The following KCNH4 variants were observed in gnomAD, a reference collection of about 807,000 sequenced individuals.
The protein encoded by KCNH4 is voltage-gated delayed rectifier potassium channel KCNH4.
A neutral mutation model predicts 90.7 loss-of-function variants in KCNH4; 33 were observed. That is an observed-to-expected ratio of 0.36 (90% confidence interval 0.28 to 0.49). The LOEUF (loss-of-function observed/expected upper bound fraction) is 0.49, where lower values mean the gene tolerates loss of function less well. Ranked by LOEUF, KCNH4 falls within the 20% of genes least tolerant of loss-of-function variation. KCNH4 has a pLI of 0.98. For synonymous variants in KCNH4, 551 were observed against 581.7 expected (o/e 0.95, Z 0.76); for missense variants, 1,044 against 1,387.1 (o/e 0.75, Z 3.93).
Position 42,169,392 on chromosome 17 carries a change from A to G in KCNH4, c.1590+85T>C. The G allele has an allele frequency of 3.1e-6, 4 of 1,295,786 alleles. No homozygotes were observed. In the South Asian group the frequency reaches 4.9e-5, roughly 16 times the overall value. 80.3% of individuals were successfully genotyped at this position (1,295,786 alleles called of 1,614,324 possible). A position where few individuals can be genotyped will look rare whatever the true frequency, so the allele number is the denominator to read the frequency against. ...GCCGAGTTCGGCCTGCCTCCATTTT[A>G]AGCTACAGGGGCAGCGACTCCTTCC... On this transcript the variant is annotated intron_variant, in intron 9 of 16. Coordinates refer to ENST00000264661, the MANE Select transcript of KCNH4 (RefSeq NM_012285.3).
chr17:42,163,723 G>C lies in KCNH4; in HGVS notation c.2360C>G (p.Ala787Gly). The stretch of plus-strand genomic sequence containing the variant: ...AGGGGAGGCACTGTGGCCCTGGCCA[G>C]CCAGGGCAGGGGACAGGGATGGGGA... The part of the protein sequence containing the change: ...SLSPSLSPAL[A>G]GQGHSASPHG... The change falls in exon 13 of 17, where the codon GCT (alanine) becomes GGT (glycine). Residue 787 changes from alanine (A) to glycine (G), a missense_variant. Ala to Gly is a moderately conservative substitution (Grantham distance 60). Coordinates refer to ENST00000264661, the MANE Select transcript of KCNH4 (RefSeq NM_012285.3). The surrounding 1 kb of genome is among the most constrained non-coding windows in gnomAD (Gnocchi z 5.4). 1 of 1,527,166 alleles carries C rather than the reference G, an allele frequency of 6.5e-7. No individual in the cohort carries two copies. Among genetic ancestry groups the C allele is most frequent in the African/African-American group, 1.4e-5 (1 of 71,748 alleles). The allele number at this position is 1,527,166 out of a possible 1,614,324, so 94.6% of individuals were successfully genotyped here.
At position 42,165,317 on chromosome 17, in the gene KCNH4, A is replaced by G. The variant is rs1318229530; in HGVS notation, c.2085+132T>C. 6.1e-6 allele frequency: 7 copies of G among 1,138,566 alleles called. No homozygotes were observed. In the East Asian group the frequency reaches 1.7e-4, roughly 27 times the overall value. 70.5% of individuals were successfully genotyped at this position (1,138,566 alleles called of 1,614,324 possible). On this transcript the variant is annotated intron_variant, in intron 11 of 16. Coordinates refer to ENST00000264661, the MANE Select transcript of KCNH4 (RefSeq NM_012285.3). ...GAAGGTATGAAGCAGGTAAGGGGCA[A>G]TGGAGGAGGGTGCCTGGGCTTCAGG...
chr17:42,161,959 T>G (rs1170909564), intron 15 of KCNH4, among the ~76,000 whole-genome samples: 1 of 150,644 alleles, frequency 6.6e-6, no homozygotes, highest in Non-Finnish European at 1.5e-5. Context: ...TCTCTTTTTT[T>G]TTTTTTTTTT....
rs756662029 is a variant in KCNH4 at position 42,178,128 on chromosome 17, C to T, written c.557G>A (p.Arg186Gln). 2.3e-5 allele frequency: 37 copies of T among 1,613,972 alleles called. No individual in the cohort carries two copies. The South Asian group carries it at 2.4e-4, about 11-fold the overall frequency. ...ATTGGCCTTCATGCCTCCCTGGCCCCGGCGGCCAAAGTGGCCGGTCAGTCG... is the reference window on the plus strand; with the variant it reads ...ATTGGCCTTCATGCCTCCCTGGCCCTGGCGGCCAAAGTGGCCGGTCAGTCG... Reference protein sequence around the residue: ...LHRLTGHFGRRGQGGMKANNN... With the variant: ...LHRLTGHFGRQGQGGMKANNN... Residue 186 changes from arginine to glutamine, a missense_variant, in exon 4 of 17, where the codon CGG becomes CAG. Arg to Gln is a conservative substitution (Grantham distance 43). Around this residue, in one of 4 missense-constraint regions of KCNH4, gnomAD observed 283 missense variants for 378.6 expected, o/e 0.75. Transcript: ENST00000264661.
intron 11 of KCNH4, 93 bp from the exon 12 acceptor site, chr17:42,164,261 G>T: frequency 9.0e-7 from 1 of 1,109,934 alleles, no homozygotes; most frequent in South Asian, 1.7e-5. Flanking sequence ...TTATGGGGTT[G>T]AGAATGTGGA....
chr17:42,163,858 C>T lies in KCNH4; in HGVS notation c.2225G>A (p.Arg742Gln), dbSNP rs1327919026. 4.7e-5 allele frequency: 71 copies of T among 1,510,624 alleles called. No homozygotes were observed. The highest frequency in any genetic ancestry group is 9.1e-5 in the Admixed American group (4 of 43,878). 93.6% of individuals were successfully genotyped at this position (1,510,624 alleles called of 1,614,324 possible). The change falls in exon 13 of 17, where the codon CGG (arginine) becomes CAG (glutamine). Residue 742 changes from arginine to glutamine, a missense_variant. Around this residue, in one of 4 missense-constraint regions of KCNH4, gnomAD observed 441 missense variants for 512.3 expected, o/e 0.86. Transcript: ENST00000264661. The surrounding 1 kb of genome is among the most constrained non-coding windows in gnomAD (Gnocchi z 5.4). ...AEPGGGPRPR[R>Q]PLLLPNLSPA... ...GCTGAGGTTGGGCAGCAGGAGGGGC[C>T]GTCGGGGCCTGGGACCACCCCCAGG...
chr17:42,178,156 G>A lies in KCNH4; in HGVS notation c.529C>T (p.His177Tyr), dbSNP rs746862765. 1.5e-5 allele frequency: 24 copies of A among 1,614,120 alleles called. No homozygotes were observed. The highest frequency in any genetic ancestry group is 1.9e-5 in the Non-Finnish European group (22 of 1,180,048). The stretch of plus-strand genomic sequence containing the variant: ...CGGCCAAAGTGGCCGGTCAGTCGGT[G>A]TAGGACAGTACGGCTCCGTCTTCTG... The part of the protein sequence containing the change: ...SARRRSRTVL[H>Y]RLTGHFGRRG... The change falls in exon 4 of 17, where the codon CAC (histidine) becomes TAC (tyrosine). Residue 177 changes from histidine to tyrosine, a missense_variant. This residue lies in a region of KCNH4 where 283 missense variants were observed against 378.6 expected (regional missense o/e 0.75). Transcript: ENST00000264661.
At chr17:42,164,799 CAAAAAA>C (rs111862071) in intron 11 of KCNH4, among the ~76,000 whole-genome samples, 1 of 145,408 alleles carries the variant, frequency 6.9e-6, no homozygotes, top group African/African-American at 2.5e-5. Context: ...CAGACTGTCT[CAAAAAA>C]AAACAAAAAC....
chr17:42,169,974 C>T (rs574532186), intron 8 of KCNH4, 133 bp downstream of exon 8: 18 of 974,578 alleles, frequency 1.8e-5, no homozygotes, highest in East Asian at 2.6e-5. Flanking sequence ...AGGAAACGTC[C>T]GTGAATGAAT....
At position 42,160,329 on chromosome 17, in the gene KCNH4, G is replaced by A. The variant is rs765983804; in HGVS notation, c.2765C>T (p.Ala922Val). 6 of 1,614,136 alleles carry A rather than the reference G, an allele frequency of 3.7e-6. No individual in the cohort carries two copies. In the Admixed American group the frequency reaches 1.0e-4, roughly 27 times the overall value. ...TGGACAAGGAGGGTCTGGGGTCCAAGCGGAGCCTGCTGGGTGGCCTGGGGG... is the reference window on the plus strand; with the variant it reads ...TGGACAAGGAGGGTCTGGGGTCCAAACGGAGCCTGCTGGGTGGCCTGGGGG... Reference protein sequence around the residue: ...LGPPGHPAGSAWTPDPPCPQL... With the variant: ...LGPPGHPAGSVWTPDPPCPQL... The change falls in exon 16 of 17, where the codon GCT (alanine) becomes GTT (valine). Residue 922 changes from alanine (A) to valine (V), a missense_variant. Coordinates refer to ENST00000264661, the MANE Select transcript of KCNH4 (RefSeq NM_012285.3).
At chr17:42,176,357 G>A (rs1567642660) in intron 4 of KCNH4, 60 bp from the exon 5 acceptor site, 1 of 1,497,852 alleles carries the variant, frequency 6.7e-7, no homozygotes, top group Non-Finnish European at 9.1e-7. Flanking sequence ...AAGATGGGGG[G>A]TGGGAAAGGC....
In KCNH4 at chr17:42,160,005, G is replaced by A. The variant is rs375658027; in HGVS notation, c.*35C>T. 10 of 1,467,084 alleles carry A rather than the reference G, an allele frequency of 6.8e-6. No individual in the cohort carries two copies. The East Asian group carries it at 1.2e-4, about 18-fold the overall frequency. The allele number at this position is 1,467,084 out of a possible 1,614,324, so 90.9% of individuals were successfully genotyped here. A position where few individuals can be genotyped will look rare whatever the true frequency, so the allele number is the denominator to read the frequency against. Reference sequence around the variant, plus strand: ...TCCTCCCTGAGTGGTGAGCGGCAGCGCCCACCCCAGACAGGCCTGGGCCCT... The same window carrying A: ...TCCTCCCTGAGTGGTGAGCGGCAGCACCCACCCCAGACAGGCCTGGGCCCT... On this transcript the variant is annotated 3_prime_UTR_variant, in exon 16 of 17. Coordinates refer to ENST00000264661, the MANE Select transcript of KCNH4 (RefSeq NM_012285.3).
At chr17:42,172,847 G>A (rs2079837217) in intron 6 of KCNH4, among the ~76,000 whole-genome samples, 1 of 151,916 alleles carries the variant, frequency 6.6e-6, no homozygotes, top group African/African-American at 2.4e-5. Flanking sequence ...GGCAGCAATT[G>A]TGATGGGGAC....
chr17:42,176,049 C>A lies in KCNH4; in HGVS notation c.829+5G>T. 6.3e-7 allele frequency: 1 copy of A among 1,592,832 alleles called. No homozygotes were observed. The highest frequency in any genetic ancestry group is 1.1e-5 in the South Asian group (1 of 88,058). ...CACCAGGGTGGGTGAGGCAGAAGGTCTGACCTAGGATGAAGAGCATTTCCA... is the reference window on the plus strand; with the variant it reads ...CACCAGGGTGGGTGAGGCAGAAGGTATGACCTAGGATGAAGAGCATTTCCA... On this transcript the variant is annotated splice_donor_5th_base_variant and intron_variant, in intron 5 of 16. Coordinates refer to ENST00000264661, the MANE Select transcript of KCNH4 (RefSeq NM_012285.3).
chr17:42,171,504 G>A (rs2079826571), intron 7 of KCNH4, among the ~76,000 whole-genome samples: 1 of 152,020 alleles, frequency 6.6e-6, no homozygotes, highest in African/African-American at 2.4e-5. Flanking sequence ...CCTTCTGCCT[G>A]AAACACACCC....
intron 2 of KCNH4, 65 bp downstream of exon 2, chr17:42,178,728 C>G (rs1343565218): frequency 7.1e-7 from 1 of 1,404,332 alleles, no homozygotes; most frequent in Non-Finnish European, 9.9e-7. Context: ...TCCTACTGTG[C>G]CCAGTGCCCT....
In KCNH4 at chr17:42,169,696, C is replaced by A; in HGVS notation, c.1391-20G>T. On this transcript the variant is annotated intron_variant, in intron 8 of 16. Coordinates refer to ENST00000264661, the MANE Select transcript of KCNH4 (RefSeq NM_012285.3). ...TCAGGGCTGCAGCAGCAGCAGCGGG[C>A]CTGTCAGGGGCGGCCACCCCTCTGG... The A allele has an allele frequency of 3.1e-6, 5 of 1,610,078 alleles. No homozygotes were observed. Among genetic ancestry groups the A allele is most frequent in the South Asian group, 1.1e-5 (1 of 90,990 alleles).
chr17:42,168,961 T>C (rs1326426163), intron 9 of KCNH4, among the ~76,000 whole-genome samples: 3 of 152,022 alleles, frequency 2.0e-5, no homozygotes, highest in Non-Finnish European at 4.4e-5. Context: ...TTAGTAGAGA[T>C]GGGGTTTCAC....
Position 42,165,520 on chromosome 17 carries a change from A to G in KCNH4, c.2014T>C (p.Tyr672His). ...LAEVLRLYPE[Y>H]GAAFRAGLPR... The stretch of plus-strand genomic sequence containing the variant: ...AGGCCAGCCCGGAAGGCAGCCCCAT[A>G]CTCAGGATAGAGCCTCAGGACCTCA... Residue 672 changes from tyrosine to histidine, a missense_variant, in exon 11 of 17, where the codon TAT becomes CAT. Transcript: ENST00000264661. 3.1e-6 allele frequency: 5 copies of G among 1,614,134 alleles called. No homozygotes were observed. Among genetic ancestry groups the G allele is most frequent in the Non-Finnish European group, 4.2e-6 (5 of 1,179,996 alleles).
Sources: gnomAD v4.1 joint callset for allele counts (sites outside exome capture counted in the v4.1 genomes callset) on GRCh38, gnomAD v4.1.1 for gene constraint, gnomAD v4.1.1 regional missense constraint, Gnocchi (gnomAD v3.1) non-coding constraint, MANE v1.5 for transcripts, NCBI Gene and HGNC (gene_info 2026-07-23, HGNC 2026-07-21) for gene names.